Variants in CEP63 observed in about 807,000 individuals in gnomAD.
CEP63 encodes the protein centrosomal protein of 63 kDa.
CEP63 carries 84 observed loss-of-function variants against 89.1 expected under a neutral mutation model. That is an observed-to-expected ratio of 0.94 (90% CI 0.79 to 1.13). The LOEUF is 1.13. Ranked by LOEUF, CEP63 falls within the 50% of genes most tolerant of loss-of-function variation. The probability of loss-of-function intolerance (pLI) is 0.00; values close to 1 mark genes in which losing one functional copy is unlikely to be tolerated. For synonymous variants in CEP63, 267 were observed against 272.5 expected (o/e 0.98, Z 0.20); for missense variants, 838 against 813.3 (o/e 1.03, Z -0.37).
At chr3:134,496,408 CA>C in intron 2 of CEP63, among the ~76,000 whole-genome samples, 1 of 109,524 alleles carries the variant, frequency 9.1e-6, no homozygotes, top group Non-Finnish European at 1.8e-5. Flanking sequence ...TAACATTTAA[CA>C]GGAGAAAAGG....
At chr3:134,635,416 G>A in the CEP63 span, among the ~76,000 whole-genome samples, 2 of 148,280 alleles carry the variant, frequency 1.3e-5, no homozygotes, top group Non-Finnish European at 3.0e-5. Context: ...AGAATCGCTT[G>A]GACCTGGGAG....
the CEP63 span, among the ~76,000 whole-genome samples, chr3:134,708,633 C>A: frequency 6.6e-6 from 1 of 152,186 alleles, no homozygotes; most frequent in Non-Finnish European, 1.5e-5. Flanking sequence ...CTGTTGCCAT[C>A]AATTATTAAA....
the CEP63 span, chr3:134,647,409 A>T: frequency 6.5e-7 from 1 of 1,545,448 alleles, no homozygotes. Flanking sequence ...TAAATCCTAT[A>T]GGTTGAAAGG....
chr3:134,740,579 G>A, the CEP63 span, among the ~76,000 whole-genome samples: 1 of 152,136 alleles, frequency 6.6e-6, no homozygotes, highest in African/African-American at 2.4e-5. Flanking sequence ...TTACAGGCGT[G>A]AGCCACCGTG....
chr3:134,692,224 A>G, the CEP63 span, among the ~76,000 whole-genome samples: 4 of 152,082 alleles, frequency 2.6e-5, no homozygotes, highest in African/African-American at 9.7e-5. Context: ...CTCGTCATTT[A>G]CATTAGGTAT....
At chr3:134,540,282 A>C (rs1180730394) in intron 6 of CEP63, among the ~76,000 whole-genome samples, 1 of 152,164 alleles carries the variant, frequency 6.6e-6, no homozygotes, top group Admixed American at 6.5e-5. Context: ...GATTGTGTAG[A>C]ATTCCCCCCT....
the CEP63 span, among the ~76,000 whole-genome samples, chr3:134,758,240 G>A: frequency 2.3e-4 from 35 of 152,014 alleles, no homozygotes; most frequent in Non-Finnish European, 4.4e-4. Flanking sequence ...TCTTTTTCTC[G>A]GCTCATACAG....
chr3:134,577,453 T>TC, downstream of CEP63, among the ~76,000 whole-genome samples: 1 of 145,980 alleles, frequency 6.9e-6, no homozygotes, highest in Admixed American at 6.9e-5. Flanking sequence ...TTTTTTTTTT[T>TC]TGAGATGGAG....
chr3:134,545,297 A>G (rs935045482), intron 6 of CEP63, among the ~76,000 whole-genome samples: 13 of 151,826 alleles, frequency 8.6e-5, no homozygotes, highest in Non-Finnish European at 1.3e-4. Context: ...CACCCGGCCA[A>G]TTTTTGTATT....
chr3:134,748,751 A>G, the CEP63 span, among the ~76,000 whole-genome samples: 116 of 152,308 alleles, frequency 7.6e-4, no homozygotes, highest in Admixed American at 1.4e-3. Flanking sequence ...GCAGGGTGCT[A>G]GGGTTCTGAA....
the CEP63 span, among the ~76,000 whole-genome samples, chr3:134,703,127 C>A: frequency 6.6e-6 from 1 of 151,908 alleles, no homozygotes; most frequent in African/African-American, 2.4e-5. Context: ...AACCCCATCT[C>A]TACTAAAAAT....
the CEP63 span, among the ~76,000 whole-genome samples, chr3:134,777,341 T>G: frequency 2.0e-5 from 3 of 152,204 alleles, no homozygotes; most frequent in Non-Finnish European, 4.4e-5. Context: ...TTGGCCTTAT[T>G]TCTTCTCCTT....
At chr3:134,705,178 A>C in the CEP63 span, among the ~76,000 whole-genome samples, 1 of 152,180 alleles carries the variant, frequency 6.6e-6, no homozygotes, top group Non-Finnish European at 1.5e-5. Context: ...TATAAGGAAA[A>C]GAGGTTTCTT....
chr3:134,514,950 C>A (rs1046564637), intron 3 of CEP63, among the ~76,000 whole-genome samples: 9 of 152,136 alleles, frequency 5.9e-5, no homozygotes, highest in Non-Finnish European at 2.9e-5. Context: ...AACTCCTGGG[C>A]TTAAGCAATC....
the CEP63 span, among the ~76,000 whole-genome samples, chr3:134,638,555 G>A: frequency 1.3e-5 from 2 of 152,166 alleles, no homozygotes; most frequent in African/African-American, 2.4e-5. Context: ...AGCTTTGACC[G>A]TCTTAGTTAA....
chr3:134,771,911 T>C, the CEP63 span, among the ~76,000 whole-genome samples: 4 of 152,240 alleles, frequency 2.6e-5, no homozygotes, highest in South Asian at 6.2e-4. Context: ...CTAACTGCTG[T>C]CCACTGACCC....
the CEP63 span, among the ~76,000 whole-genome samples, chr3:134,606,607 G>T: frequency 6.6e-6 from 1 of 152,294 alleles, no homozygotes; most frequent in Admixed American, 6.5e-5. Flanking sequence ...TCATTTTTGT[G>T]TAGTGTCCGA....
At chr3:134,599,314 G>T in the CEP63 span, among the ~76,000 whole-genome samples, 3 of 152,172 alleles carry the variant, frequency 2.0e-5, no homozygotes, top group African/African-American at 7.2e-5. Context: ...GGAGAAGCAT[G>T]CTGGGCCTCG....
the CEP63 span, among the ~76,000 whole-genome samples, chr3:134,666,733 A>C: frequency 5.3e-5 from 8 of 152,304 alleles, no homozygotes; most frequent in Admixed American, 3.9e-4. Flanking sequence ...GGGCCAAGGC[A>C]AAAAAGACAC....
Sources: allele counts gnomAD v4.1 joint callset (sites outside exome capture counted in the v4.1 genomes callset), GRCh38; gene constraint gnomAD v4.1.1; transcripts MANE v1.5; gene names NCBI Gene and HGNC (gene_info 2026-07-23, HGNC 2026-07-21).